Variants in FRAS1 observed in about 807,000 individuals in gnomAD.
The protein encoded by FRAS1 is Fraser extracellular matrix complex subunit 1.
FRAS1 carries 290 observed loss-of-function variants against 435.2 expected under a neutral mutation model. That is an observed-to-expected ratio of 0.67 (90% CI 0.61 to 0.73). FRAS1 has a LOEUF of 0.73. Among genes scored for constraint, FRAS1 ranks in the 30% least tolerant of loss-of-function variants. FRAS1 has a pLI of 0.00. For missense variants in FRAS1, 4,860 were observed against 5,001.5 expected (o/e 0.97, Z 0.85); for synonymous variants, 1,800 against 1,851.0 (o/e 0.97, Z 0.71).
intron 14 of FRAS1, among the ~76,000 whole-genome samples, chr4:78,302,466 C>T (rs1261967365): frequency 6.6e-6 from 1 of 151,998 alleles, no homozygotes; most frequent in Non-Finnish European, 1.5e-5. Context: ...GTTTACAGTC[C>T]CACCAACAGT....
At chr4:78,403,669 A>C (rs550076321) in intron 30 of FRAS1, among the ~76,000 whole-genome samples, 9 of 152,176 alleles carry the variant, frequency 5.9e-5, no homozygotes, top group Non-Finnish European at 8.8e-5. Context: ...ACCTGAGTTC[A>C]ACCACTTGCA....
At chr4:78,507,131 G>A (rs35702927) in intron 61 of FRAS1, among the ~76,000 whole-genome samples, 71,995 of 151,990 alleles carry the variant, frequency 0.47, 17,245 homozygotes, top group South Asian at 0.58. Context: ...ATTTTGGATC[G>A]TAGATTTTTA....
At chr4:78,321,838 C>CAAA (rs35661816) in intron 18 of FRAS1, among the ~76,000 whole-genome samples, 7,845 of 106,056 alleles carry the variant, frequency 0.074, 458 homozygotes, top group African/African-American at 0.19. Context: ...AAAACTTCGT[C>CAAA]AAAAAAAAAA....
In FRAS1 at chr4:78,150,450, A is replaced by G. The variant is rs866698340; in HGVS notation, c.108+84434A>G. On this transcript the variant is annotated intron_variant, in intron 2 of 73. Transcript: ENST00000512123. ...ATTGGAAAACAACAGTCTAGACAGC[A>G]TATCTTTTCAACAGTGATGTTAAGA... is the stretch of plus-strand genomic sequence containing the variant. Among the ~76,000 whole-genome samples, 3 of 152,186 alleles carry G rather than the reference A, an allele frequency of 2.0e-5. No homozygotes were observed. The South Asian group carries it at 6.2e-4, about 32-fold the overall frequency.
At chr4:78,421,676 A>T (rs1178718253) in intron 33 of FRAS1, among the ~76,000 whole-genome samples, 187 bp from the exon 34 acceptor site, 1 of 152,176 alleles carries the variant, frequency 6.6e-6, no homozygotes, top group African/African-American at 2.4e-5. Context: ...GTCAATACTC[A>T]TTTGGGTTTC....
chr4:78,252,749 G>A (rs561399736), intron 5 of FRAS1, among the ~76,000 whole-genome samples, 198 bp downstream of exon 5: 6 of 152,280 alleles, frequency 3.9e-5, no homozygotes, highest in African/African-American at 9.6e-5. Flanking sequence ...CAGTAGGACC[G>A]TGATGCCCTC....
intron 2 of FRAS1, among the ~76,000 whole-genome samples, chr4:78,121,834 C>T (rs972734255): frequency 4.6e-5 from 7 of 152,084 alleles, no homozygotes; most frequent in Non-Finnish European, 7.4e-5. Context: ...CATCAATTGG[C>T]AGTTGGAATA....
At chr4:78,500,398 A>C (rs1450133437) in intron 61 of FRAS1, among the ~76,000 whole-genome samples, 1 of 152,196 alleles carries the variant, frequency 6.6e-6, no homozygotes, top group East Asian at 1.9e-4. Context: ...GAGTTTGGGA[A>C]AAGAGAGAGA....
intron 28 of FRAS1, among the ~76,000 whole-genome samples, chr4:78,384,751 C>T (rs1046762473): frequency 3.3e-5 from 5 of 150,348 alleles, no homozygotes; most frequent in African/African-American, 1.2e-4. Flanking sequence ...AAAAAAAATA[C>T]AAAAAATTAT....
chr4:78,504,527 G>A (rs992245207), intron 61 of FRAS1, among the ~76,000 whole-genome samples: 1 of 152,160 alleles, frequency 6.6e-6, no homozygotes, highest in Admixed American at 6.5e-5. Flanking sequence ...TTTTATCAGA[G>A]ACTAGGATTG....
rs772679809 is a variant in FRAS1, at chr4:78,384,064, G to T, written c.3569G>T (p.Gly1190Val). Reference sequence around the variant, plus strand: ...TTTCTTTGGGACTTCTTTAGGAAAGGTTACCTTTTCCTGAAAATTAGTGAC... The same window carrying T: ...TTTCTTTGGGACTTCTTTAGGAAAGTTTACCTTTTCCTGAAAATTAGTGAC... ...FVHSKEKLRK[G>V]YLFLKISDQQ... The change falls in exon 28 of 74, where the codon GGT becomes GTT. Residue 1190 changes from glycine to valine, a missense_variant. Coordinates refer to ENST00000512123, the MANE Select transcript of FRAS1 (RefSeq NM_025074.7). The T allele has an allele frequency of 6.2e-7, 1 of 1,606,688 alleles. No homozygotes were observed. The highest frequency in any genetic ancestry group is 8.5e-7 in the Non-Finnish European group (1 of 1,177,038).
At chr4:78,239,616 A>G (rs1222216478) in intron 3 of FRAS1, among the ~76,000 whole-genome samples, 3 of 152,082 alleles carry the variant, frequency 2.0e-5, no homozygotes, top group Non-Finnish European at 4.4e-5. Flanking sequence ...TTAAGGTACT[A>G]CTATACCCCT....
At chr4:78,082,744 G>GC (rs1444265617) in intron 2 of FRAS1, among the ~76,000 whole-genome samples, 1 of 151,918 alleles carries the variant, frequency 6.6e-6, no homozygotes, top group African/African-American at 2.4e-5. Context: ...TGAATTATAG[G>GC]CCAAAATCAA....
intron 22 of FRAS1, among the ~76,000 whole-genome samples, chr4:78,365,737 T>TAAAAAAAAAA (rs531246410): frequency 7.6e-6 from 1 of 132,142 alleles, no homozygotes; most frequent in African/African-American, 3.0e-5. Context: ...TCTAGTACAT[T>TAAAAAAAAAA]AAAAAAAAAA....
At chr4:78,241,509 C>T (rs142461873) in intron 3 of FRAS1, among the ~76,000 whole-genome samples, 1 of 152,140 alleles carries the variant, frequency 6.6e-6, no homozygotes, top group Non-Finnish European at 1.5e-5. Context: ...CATATAATCA[C>T]CTTAGGAGGG....
At chr4:78,206,575 C>A (rs1264350386) in intron 2 of FRAS1, among the ~76,000 whole-genome samples, 1 of 152,150 alleles carries the variant, frequency 6.6e-6, no homozygotes, top group Non-Finnish European at 1.5e-5. Context: ...TATATTATTT[C>A]CCTTTAGAAA....
chr4:78,342,306 A>G (rs963288068), intron 20 of FRAS1, among the ~76,000 whole-genome samples: 11 of 152,214 alleles, frequency 7.2e-5, no homozygotes, highest in African/African-American at 2.7e-4. Context: ...CACCGCCAAG[A>G]GTAAACCCAT....
intron 3 of FRAS1, among the ~76,000 whole-genome samples, chr4:78,240,793 T>C (rs1292564138): frequency 6.6e-6 from 1 of 152,128 alleles, no homozygotes; most frequent in Non-Finnish European, 1.5e-5. Flanking sequence ...CACAGTCATT[T>C]AAGGGGAGGT....
At chr4:78,478,196 TC>T in intron 55 of FRAS1, 135 bp downstream of exon 55, 3 of 974,660 alleles carry the variant, frequency 3.1e-6, no homozygotes, top group Non-Finnish European at 4.5e-6. Flanking sequence ...CTCATTTGGT[TC>T]CCACAACAAC....
Sources: allele counts gnomAD v4.1 joint callset (sites outside exome capture counted in the v4.1 genomes callset), GRCh38; gene constraint gnomAD v4.1.1; transcripts MANE v1.5; gene names NCBI Gene and HGNC (gene_info 2026-07-23, HGNC 2026-07-21).